Variants in ATF7IP2 observed in about 807,000 individuals in gnomAD.
ATF7IP2 encodes the protein activating transcription factor 7-interacting protein 2.
Under a neutral mutation model 64.2 loss-of-function variants are expected in ATF7IP2, and 42 were observed. The observed-to-expected ratio is 0.65, with a 90% CI of 0.51 to 0.85. The LOEUF (loss-of-function observed/expected upper bound fraction) is 0.85, where lower values mean the gene tolerates loss of function less well. Ranked by LOEUF, ATF7IP2 falls within the 40% of genes least tolerant of loss-of-function variation. ATF7IP2 has a pLI of 0.00. For synonymous variants in ATF7IP2, 308 were observed against 272.8 expected (o/e 1.13, Z -1.27); for missense variants, 933 against 784.2 (o/e 1.19, Z -2.27).
chr16:10,407,501 A>G (rs2047667646), intron 1 of ATF7IP2, among the ~76,000 whole-genome samples: 1 of 152,244 alleles, frequency 6.6e-6, no homozygotes, highest in South Asian at 2.1e-4. Flanking sequence ...CACCAAAACT[A>G]GTAATACTGA....
chr16:10,451,772 C>G (rs1359788124), intron 8 of ATF7IP2, among the ~76,000 whole-genome samples: 2 of 151,906 alleles, frequency 1.3e-5, no homozygotes, highest in Admixed American at 1.3e-4. Context: ...GAAGATGCTC[C>G]TTTAGGCTGG....
rs140879712 is a variant in ATF7IP2, at chr16:10,443,604, T to C, written c.1194+3142T>C. The stretch of plus-strand genomic sequence containing the variant: ...CAATTGCTAAAGTCTGTTTTAAATC[T>C]TTTACTTTTACAATAGCTACTTTAG... On this transcript the variant is annotated intron_variant, in intron 8 of 13. Transcript: ENST00000562102. 2.6e-4 allele frequency among the ~76,000 whole-genome samples: 40 copies of C among 152,326 alleles called. 1 individual carries two copies. The East Asian group carries it at 7.5e-3, about 29-fold the overall frequency.
chr16:10,387,898 TTTAC>T (rs1413603030), intron 1 of ATF7IP2, among the ~76,000 whole-genome samples: 4 of 151,078 alleles, frequency 2.6e-5, no homozygotes, highest in Non-Finnish European at 5.9e-5. Flanking sequence ...TTTATTTTAT[TTTAC>T]TTATTTATTT....
Position 10,483,468 on chromosome 16 carries a change from T to A in ATF7IP2, c.*1219T>A, listed in dbSNP as rs1248411269. On this transcript the variant is annotated 3_prime_UTR_variant, in exon 14 of 14. Transcript: ENST00000562102. ...ATGGAGGCAAACTTGAGCAAATAAT[T>A]GGGATGATAAGAAACAAAAATAATC... 6.6e-6 allele frequency: 1 copy of A among 152,060 alleles called. No homozygotes were observed. Among genetic ancestry groups the A allele is most frequent in the Non-Finnish European group, 1.5e-5 (1 of 68,000 alleles). 9.4% of individuals were successfully genotyped at this position (152,060 alleles called of 1,614,324 possible). A position where few individuals can be genotyped will look rare whatever the true frequency, so the allele number is the denominator to read the frequency against.
intron 6 of ATF7IP2, among the ~76,000 whole-genome samples, chr16:10,436,176 C>T (rs2048412838): frequency 6.6e-6 from 1 of 152,092 alleles, no homozygotes; most frequent in South Asian, 2.1e-4. Flanking sequence ...GCCTGGCCAA[C>T]AATGGTGAAA....
At chr16:10,433,216 T>C (rs1471578452) in intron 5 of ATF7IP2, among the ~76,000 whole-genome samples, 1 of 152,196 alleles carries the variant, frequency 6.6e-6, no homozygotes, top group Non-Finnish European at 1.5e-5. Context: ...TCTCACTGTG[T>C]TGCCCAGGCT....
At chr16:10,405,947 G>C (rs540072617) in intron 1 of ATF7IP2, among the ~76,000 whole-genome samples, 1 of 152,104 alleles carries the variant, frequency 6.6e-6, no homozygotes, top group African/African-American at 2.4e-5. Context: ...AAACTAGCTG[G>C]GTGTGGTGGC....
Position 10,438,160 on chromosome 16 carries a change from A to G in ATF7IP2, c.1020A>G (p.Lys340=), listed in dbSNP as rs765284864. Residue 340 remains lysine, a synonymous_variant, in exon 7 of 14, where the codon AAA becomes AAG. Transcript: ENST00000562102. ...TAAATTATGAACTATTTGATAAGAA[A>G]CTGAAAGAATTGAACCAACGCATTG... ...YSINYELFDK[K]LKELNQRIGK... 6.2e-7 allele frequency: 1 copy of G among 1,604,220 alleles called. No individual in the cohort carries two copies. The highest frequency in any genetic ancestry group is 1.7e-5 in the Admixed American group (1 of 58,294).
At chr16:10,435,015 G>T (rs538067641) in intron 6 of ATF7IP2, among the ~76,000 whole-genome samples, 2 of 152,108 alleles carry the variant, frequency 1.3e-5, no homozygotes, top group African/African-American at 4.8e-5. Context: ...TGATCCGCCC[G>T]CCTCGGCCTC....
intron 9 of ATF7IP2, among the ~76,000 whole-genome samples, chr16:10,469,388 A>C (rs910598072): frequency 1.3e-5 from 2 of 152,112 alleles, no homozygotes; most frequent in Non-Finnish European, 2.9e-5. Flanking sequence ...CAAATGTTTG[A>C]AGATACAGTG....
chr16:10,470,537 A>G (rs1043704208), intron 9 of ATF7IP2, among the ~76,000 whole-genome samples: 5 of 152,108 alleles, frequency 3.3e-5, no homozygotes, highest in African/African-American at 1.2e-4. Flanking sequence ...TAATCCCAGC[A>G]TCTTGGGAGG....
At chr16:10,471,282 C>G (rs908529357) in intron 9 of ATF7IP2, among the ~76,000 whole-genome samples, 8 of 152,146 alleles carry the variant, frequency 5.3e-5, no homozygotes, top group African/African-American at 1.9e-4. Flanking sequence ...AATCCCAGCA[C>G]TTTGGGAGGC....
chr16:10,412,704 T>C (rs1176058744), intron 1 of ATF7IP2, among the ~76,000 whole-genome samples: 1 of 152,144 alleles, frequency 6.6e-6, no homozygotes, highest in African/African-American at 2.4e-5. Context: ...TGTTTCAGGG[T>C]ATAGTTTAAA....
At chr16:10,412,432 C>A (rs184849138) in intron 1 of ATF7IP2, among the ~76,000 whole-genome samples, 1 of 152,234 alleles carries the variant, frequency 6.6e-6, no homozygotes, top group African/African-American at 2.4e-5. Context: ...TCATTGTTGA[C>A]CCAGTGATCA....
intron 8 of ATF7IP2, among the ~76,000 whole-genome samples, chr16:10,441,913 G>A (rs1407372012): frequency 6.6e-6 from 1 of 152,196 alleles, no homozygotes; most frequent in East Asian, 1.9e-4. Context: ...TCTCAACAAG[G>A]CAAATTTACT....
In ATF7IP2 at chr16:10,412,034, T is replaced by G. The variant is rs931214133; in HGVS notation, c.-241-2540T>G. ...TGTTTTTTTTTTTTTTTTTTTTTTT[T>G]TTTTTACACTTTTAAGTTCTAGGGT... On this transcript the variant is annotated intron_variant, in intron 1 of 13. Transcript: ENST00000562102. Among the ~76,000 whole-genome samples the G allele has an allele frequency of 8.9e-5, 13 of 146,424 alleles. 1 individual carries two copies. The highest frequency in any genetic ancestry group is 2.2e-4 in the South Asian group (1 of 4,606).
intron 5 of ATF7IP2, 123 bp from the exon 6 acceptor site, chr16:10,433,402 T>C: frequency 1.2e-6 from 1 of 819,070 alleles, no homozygotes. Flanking sequence ...CTTGAACTCC[T>C]GGCCTTAAGC....
chr16:10,453,498 G>A (rs1021208703), intron 8 of ATF7IP2, among the ~76,000 whole-genome samples: 2 of 152,214 alleles, frequency 1.3e-5, no homozygotes, highest in African/African-American at 2.4e-5. Flanking sequence ...CAATCTTACT[G>A]GGAGCTGCAG....
chr16:10,388,434 A>G (rs1464151045), intron 1 of ATF7IP2, among the ~76,000 whole-genome samples: 2 of 152,204 alleles, frequency 1.3e-5, no homozygotes, highest in Non-Finnish European at 2.9e-5. Context: ...GAGGCATTAT[A>G]TGTGTCTACT....
Sources: gnomAD v4.1 joint callset for allele counts (sites outside exome capture counted in the v4.1 genomes callset) on GRCh38, gnomAD v4.1.1 for gene constraint, MANE v1.5 for transcripts, NCBI Gene and HGNC (gene_info 2026-07-23, HGNC 2026-07-21) for gene names.